WNK4: variants seen among roughly 807,000 people sequenced by gnomAD.
WNK4 encodes the protein serine/threonine-protein kinase WNK4.
WNK4 carries 94 observed loss-of-function variants against 116.2 expected under a neutral mutation model. That is an observed-to-expected ratio of 0.81 (90% CI 0.68 to 0.96). The LOEUF (loss-of-function observed/expected upper bound fraction) is 0.96, where lower values mean the gene tolerates loss of function less well. WNK4 is among the 40% of genes least tolerant of loss of function. WNK4 has a pLI of 0.00. For synonymous variants in WNK4, 655 were observed against 672.7 expected (o/e 0.97, Z 0.41); for missense variants, 1,542 against 1,650.6 (o/e 0.93, Z 1.14).
Position 42,785,339 on chromosome 17 carries a change from G to A in WNK4, c.1333G>A (p.Glu445Lys). 1 of 1,611,704 alleles carries A rather than the reference G, an allele frequency of 6.2e-7. No homozygotes were observed. The highest frequency in any genetic ancestry group is 1.1e-5 in the South Asian group (1 of 90,628). Residue 445 changes from glutamate to lysine, a missense_variant, in exon 6 of 19, where the codon GAG becomes AAG. Transcript: ENST00000246914. ...CGGTGTGCACGTGGAACTAGCGGAG[G>A]AGGACGACGGCGAGAAGCCGGGCCT... Reference protein sequence around the residue: ...ERGVHVELAEEDDGEKPGLKL... With the variant: ...ERGVHVELAEKDDGEKPGLKL...
rs1567656089 is a variant in WNK4, at chr17:42,796,560, CG to C, written c.3715del (p.Asp1239MetfsTer29). On this transcript the variant is annotated frameshift_variant, in exon 18 of 19. Transcript: ENST00000246914. LOFTEE classifies it high-confidence loss of function. ...GGGCAAGCAAGGGGGTGACATTCGC[CG>C]GGGATGTTGGCAGGATGGTGAGGGC... ...QRASKGVTFA[G>X]DVGRM 1 of 1,614,108 alleles carries C rather than the reference CG, an allele frequency of 6.2e-7. No homozygotes were observed. Among genetic ancestry groups the C allele is most frequent in the Admixed American group, 1.7e-5 (1 of 60,024 alleles).
chr17:42,789,871 C>T (rs575880849), intron 11 of WNK4, among the ~76,000 whole-genome samples: 170 of 150,340 alleles, frequency 1.1e-3, no homozygotes, highest in Middle Eastern at 0.011. Flanking sequence ...CCGTGTGTGG[C>T]GGCACATGCC....
At chr17:42,783,648 T>C in intron 2 of WNK4, 1 of 528,610 alleles carries the variant, frequency 1.9e-6, no homozygotes, top group South Asian at 2.2e-5. Flanking sequence ...TCTCCGAAGC[T>C]CTCCCTCATG....
intron 12 of WNK4, chr17:42,794,030 A>C: frequency 2.8e-6 from 1 of 362,706 alleles, no homozygotes; most frequent in Non-Finnish European, 5.3e-6. Context: ...TTTTTTTTGT[A>C]TTTTTAGTAG....
rs770873322 is a variant in WNK4 at position 42,788,185 on chromosome 17, A to G, written c.1919A>G (p.Asp640Gly). The part of the protein sequence containing the change: ...SGPGSDFSPG[D>G]SYASDAASGL... ...CCTGGAAGTGACTTTTCCCCCGGGG[A>G]CAGGTATGTTCTGGTACAAGTTGGG... is the stretch of plus-strand genomic sequence containing the variant. Residue 640 changes from aspartate to glycine, a missense_variant, in exon 9 of 19, where the codon GAC becomes GGC. Asp to Gly is a moderately conservative substitution (Grantham distance 94, BLOSUM62 -1). Around this residue, in one of 7 missense-constraint regions of WNK4, gnomAD observed 808 missense variants for 873.6 expected, o/e 0.92. Coordinates refer to ENST00000246914, the MANE Select transcript of WNK4 (RefSeq NM_032387.5). The G allele has an allele frequency of 6.2e-7, 1 of 1,613,820 alleles. No homozygotes were observed. The highest frequency in any genetic ancestry group is 1.1e-5 in the South Asian group (1 of 91,064).
At chr17:42,792,229 T>C (rs372720552) in intron 11 of WNK4, among the ~76,000 whole-genome samples, 4 of 152,242 alleles carry the variant, frequency 2.6e-5, no homozygotes, top group African/African-American at 9.6e-5. Flanking sequence ...CAGTGTAATG[T>C]AGAAGTGTCC....
At chr17:42,788,519 C>G in intron 10 of WNK4, 112 bp downstream of exon 10, 1 of 1,242,950 alleles carries the variant, frequency 8.0e-7, no homozygotes, top group African/African-American at 1.5e-5. Context: ...ATGACTAGTA[C>G]TCAAGAGGCG....
rs923723130 is a variant in WNK4 at position 42,785,135 on chromosome 17, C to T, written c.1209C>T (p.Pro403=). ...KPNSFHKVKI[P]EVKEIIEGCI... Reference sequence around the variant, plus strand: ...ACAGCTTCCACAAGGTGAAGATACCCGAGGTGAAGGAGATCATTGAAGGCT... The same window carrying T: ...ACAGCTTCCACAAGGTGAAGATACCTGAGGTGAAGGAGATCATTGAAGGCT... Residue 403 remains proline (P), a synonymous_variant, in exon 5 of 19, where the codon CCC becomes CCT. Coordinates refer to ENST00000246914, the MANE Select transcript of WNK4 (RefSeq NM_032387.5). 1.9e-6 allele frequency: 3 copies of T among 1,613,744 alleles called. No homozygotes were observed. Among genetic ancestry groups the T allele is most frequent in the African/African-American group, 2.7e-5 (2 of 74,890 alleles).
rs1475080404 is a variant in WNK4 at position 42,788,805 on chromosome 17, G to C, written c.2157+8G>C. The C allele has an allele frequency of 1.2e-6, 2 of 1,606,810 alleles. No homozygotes were observed. The highest frequency in any genetic ancestry group is 1.7e-5 in the Admixed American group (1 of 59,998). ...GAGATTGCAGCTGCCATGGTGAGGG[G>C]GAGAGAGATGAGGACAGAGTGTTTG... On this transcript the variant is annotated splice_region_variant and intron_variant, in intron 11 of 18. Coordinates refer to ENST00000246914, the MANE Select transcript of WNK4 (RefSeq NM_032387.5).
rs2054663247 is a variant in WNK4 at position 42,795,830 on chromosome 17, A to G, written c.3228A>G (p.Ala1076=). Reference sequence around the variant, plus strand: ...AAGCTCTGGCTGAGAGCGACCGTGCAGCTGAGGGTCTGGGGGCTGGAGTTG... The same window carrying G: ...AAGCTCTGGCTGAGAGCGACCGTGCGGCTGAGGGTCTGGGGGCTGGAGTTG... ...TREALAESDR[A]AEGLGAGVEE... is the part of the protein sequence containing the mutation. Residue 1076 remains alanine, a synonymous_variant, in exon 16 of 19, where the codon GCA becomes GCG. Coordinates refer to ENST00000246914, the MANE Select transcript of WNK4 (RefSeq NM_032387.5). 6.2e-7 allele frequency: 1 copy of G among 1,613,856 alleles called. No individual in the cohort carries two copies. The highest frequency in any genetic ancestry group is 8.5e-7 in the Non-Finnish European group (1 of 1,180,020).
chr17:42,793,360 G>A (rs1372667355), intron 11 of WNK4, among the ~76,000 whole-genome samples: 3 of 152,138 alleles, frequency 2.0e-5, no homozygotes, highest in Non-Finnish European at 4.4e-5. Context: ...ACAGGTGCCC[G>A]CCATCATGCC....
In WNK4 at chr17:42,793,683, G is replaced by C. The variant is rs2033520401; in HGVS notation, c.2249G>C (p.Arg750Thr). ...CAGCGAGTGGAGACCCTGTTGAAGA[G>C]AGACACTGGCCCCATGGAGGCTGCT... ...IIQRVETLLKRDTGPMEAAED... is the reference protein window; with the variant it reads ...IIQRVETLLKTDTGPMEAAED... The change falls in exon 12 of 19, where the codon AGA becomes ACA. Residue 750 changes from arginine to threonine, a missense_variant. Arg to Thr is a moderately conservative substitution (Grantham distance 71). This residue lies in a region of WNK4 where 808 missense variants were observed against 873.6 expected (regional missense o/e 0.92). Transcript: ENST00000246914. 1.2e-6 allele frequency: 2 copies of C among 1,614,086 alleles called. No homozygotes were observed. The highest frequency in any genetic ancestry group is 1.7e-6 in the Non-Finnish European group (2 of 1,180,012).
chr17:42,795,350 C>T lies in WNK4; in HGVS notation c.2929C>T (p.Pro977Ser), dbSNP rs755531590. The T allele has an allele frequency of 6.2e-7, 1 of 1,614,096 alleles. No homozygotes were observed. The highest frequency in any genetic ancestry group is 1.1e-5 in the South Asian group (1 of 91,090). Residue 977 changes from proline to serine, a missense_variant, in exon 14 of 19, where the codon CCT (proline) becomes TCT (serine). This residue lies in a region of WNK4 where 292 missense variants were observed against 290.1 expected (regional missense o/e 1.01). Coordinates refer to ENST00000246914, the MANE Select transcript of WNK4 (RefSeq NM_032387.5). Reference sequence around the variant, plus strand: ...CGTTGCTCCTGGTGGCCAGGAAAGCCCTTCACCCCACACAGCTGAGGTGGA... The same window carrying T: ...CGTTGCTCCTGGTGGCCAGGAAAGCTCTTCACCCCACACAGCTGAGGTGGA... ...PPVAPGGQES[P>S]SPHTAEVESE...
At chr17:42,793,545 G>A (rs2144070507) in intron 11 of WNK4, 47 bp from the exon 12 acceptor site, 2 of 1,610,440 alleles carry the variant, frequency 1.2e-6, no homozygotes, top group Non-Finnish European at 8.5e-7. Context: ...GGAGAGGGAT[G>A]AGTGAGATAA....
At position 42,780,822 on chromosome 17, in the gene WNK4, C is replaced by T; in HGVS notation, c.124C>T (p.Arg42Ter). The change falls in exon 1 of 19, where the codon CGA (arginine) becomes TGA (stop). Residue 42 changes from arginine to a stop codon, truncating the protein, a stop_gained. Coordinates refer to ENST00000246914, the MANE Select transcript of WNK4 (RefSeq NM_032387.5). LOFTEE classifies it high-confidence loss of function. ...GCCCCGCCTCGGGCCCCCTCCTCGCCGAGCGCGCCGCTTCTCCGGGAAGGC... is the reference window on the plus strand; with the variant it reads ...GCCCCGCCTCGGGCCCCCTCCTCGCTGAGCGCGCCGCTTCTCCGGGAAGGC... Reference protein sequence around the residue: ...GQPRLGPPPRRARRFSGKAEP... With the variant: ...GQPRLGPPPR 6.2e-7 allele frequency: 1 copy of T among 1,601,422 alleles called. No homozygotes were observed. Among genetic ancestry groups the T allele is most frequent in the Non-Finnish European group, 8.5e-7 (1 of 1,178,078 alleles).
chr17:42,788,564 G>C, intron 10 of WNK4, 117 bp from the exon 11 acceptor site: 5 of 1,128,352 alleles, frequency 4.4e-6, no homozygotes, highest in Non-Finnish European at 6.8e-6. Context: ...CTTTAGAGGT[G>C]GGGTCTACTT....
At position 42,795,860 on chromosome 17, in the gene WNK4, G is replaced by A. The variant is rs1235280722; in HGVS notation, c.3258G>A (p.Glu1086=). ...AAEGLGAGVE[E]EGDDGKEPQV... ...AGGGTCTGGGGGCTGGAGTTGAGGA[G>A]GAAGGAGATGATGGGAAGGAACCCC... The change falls in exon 16 of 19, where the codon GAG becomes GAA. Residue 1086 remains glutamate, a synonymous_variant. Coordinates refer to ENST00000246914, the MANE Select transcript of WNK4 (RefSeq NM_032387.5). 6.2e-7 allele frequency: 1 copy of A among 1,613,116 alleles called. No homozygotes were observed. The highest frequency in any genetic ancestry group is 1.3e-5 in the African/African-American group (1 of 74,894).
chr17:42,788,184 G>T lies in WNK4; in HGVS notation c.1918G>T (p.Asp640Tyr), dbSNP rs199767685. ...CCCTGGAAGTGACTTTTCCCCCGGGGACAGGTATGTTCTGGTACAAGTTGG... is the reference window on the plus strand; with the variant it reads ...CCCTGGAAGTGACTTTTCCCCCGGGTACAGGTATGTTCTGGTACAAGTTGG... ...SGPGSDFSPG[D>Y]SYASDAASGL... The change falls in exon 9 of 19, where the codon GAC (aspartate) becomes TAC (tyrosine). Residue 640 changes from aspartate to tyrosine, a missense_variant. Asp to Tyr is a radical substitution (Grantham distance 160, BLOSUM62 -3). Around this residue, in one of 7 missense-constraint regions of WNK4, gnomAD observed 808 missense variants for 873.6 expected, o/e 0.92. Transcript: ENST00000246914. 1 of 1,614,066 alleles carries T rather than the reference G, an allele frequency of 6.2e-7. No homozygotes were observed. The highest frequency in any genetic ancestry group is 1.3e-5 in the African/African-American group (1 of 74,922).
chr17:42,785,943 T>C (rs373842932), intron 6 of WNK4, among the ~76,000 whole-genome samples: 22 of 152,322 alleles, frequency 1.4e-4, no homozygotes, highest in African/African-American at 5.3e-4. Context: ...TAAGTTCCTA[T>C]CTTTCTTCTC....
Sources: gnomAD v4.1 joint callset for allele counts (sites outside exome capture counted in the v4.1 genomes callset) on GRCh38, gnomAD v4.1.1 for gene constraint, gnomAD v4.1.1 regional missense constraint, MANE v1.5 for transcripts, NCBI Gene and HGNC (gene_info 2026-07-23, HGNC 2026-07-21) for gene names.